The following ADAM12 variants were observed in gnomAD, a reference collection of about 807,000 sequenced individuals.
ADAM12 encodes the protein ADAM metallopeptidase domain 12.
Under a neutral mutation model 106.4 loss-of-function variants are expected in ADAM12, and 70 were observed. The observed-to-expected ratio is 0.66, with a 90% CI of 0.54 to 0.80. The LOEUF is 0.80. Ranked by LOEUF, ADAM12 falls within the 30% of genes least tolerant of loss-of-function variation. The pLI is 0.00. For missense variants in ADAM12, 1,010 were observed against 1,171.9 expected (o/e 0.86, Z 2.02); for synonymous variants, 420 against 433.5 (o/e 0.97, Z 0.39).
intron 4 of ADAM12, among the ~76,000 whole-genome samples, chr10:126,137,223 C>T (rs1361113807): frequency 2.0e-5 from 3 of 152,066 alleles, no homozygotes; most frequent in Admixed American, 6.5e-5. Context: ...ATATCAAAGG[C>T]CCACAGTATG....
At chr10:126,208,070 G>A (rs747516569) in intron 3 of ADAM12, among the ~76,000 whole-genome samples, 8 of 152,166 alleles carry the variant, frequency 5.3e-5, no homozygotes, top group Non-Finnish European at 1.0e-4. Flanking sequence ...TCTGTTTCTT[G>A]ATGTGGGATT....
intron 14 of ADAM12, among the ~76,000 whole-genome samples, chr10:126,051,588 T>TCCAG (rs199619555): frequency 0.017 from 2,074 of 124,230 alleles, 70 homozygotes; most frequent in South Asian, 0.029. Context: ...CATCCATCCA[T>TCCAG]CCAGCCAGCC....
chr10:126,301,440 T>C (rs1960619893), intron 2 of ADAM12, among the ~76,000 whole-genome samples: 1 of 152,164 alleles, frequency 6.6e-6, no homozygotes, highest in African/African-American at 2.4e-5. Context: ...AGTCCCCAAA[T>C]GAAGACACAC....
At chr10:126,130,545 G>T (rs951727562) in intron 5 of ADAM12, among the ~76,000 whole-genome samples, 5 of 152,124 alleles carry the variant, frequency 3.3e-5, no homozygotes, top group African/African-American at 1.2e-4. Flanking sequence ...ATTCTTTTCT[G>T]CCAAATTTAT....
intron 11 of ADAM12, among the ~76,000 whole-genome samples, chr10:126,093,182 C>T (rs562077336): frequency 3.3e-5 from 5 of 152,244 alleles, no homozygotes; most frequent in Admixed American, 6.5e-5. Context: ...TTGTATCCAG[C>T]GCATGCTTCC....
chr10:126,127,154 C>T (rs1453111000), intron 5 of ADAM12, among the ~76,000 whole-genome samples: 1 of 152,138 alleles, frequency 6.6e-6, no homozygotes, highest in Non-Finnish European at 1.5e-5. Flanking sequence ...GGAGTTTACC[C>T]GGATGTCCAA....
At chr10:126,318,914 T>C (rs1460373266) in intron 2 of ADAM12, among the ~76,000 whole-genome samples, 4 of 152,230 alleles carry the variant, frequency 2.6e-5, no homozygotes, top group South Asian at 2.1e-4. Flanking sequence ...CAAGAGAGCA[T>C]GTTCAGGGGA....
At chr10:126,199,532 C>A (rs1957658633) in intron 3 of ADAM12, among the ~76,000 whole-genome samples, 1 of 152,188 alleles carries the variant, frequency 6.6e-6, no homozygotes, top group Non-Finnish European at 1.5e-5. Context: ...AACCTCTGCT[C>A]ATCAAGTGTC....
rs768243079 is a variant in ADAM12, at chr10:126,187,331, A to AAAAAC, written c.261-32027_261-32026insGTTTT. ...CAACTGTGAAGGAAATGAAATAAAA[A>AAAAAC]AAAAACAAATTTAATGTTGCAAATA... On this transcript the variant is annotated intron_variant, in intron 3 of 22. Coordinates refer to ENST00000448723, the MANE Select transcript of ADAM12 (RefSeq NM_001288973.2). Among the ~76,000 whole-genome samples, 573 of 152,088 alleles carry AAAAAC rather than the reference A, an allele frequency of 3.8e-3. 6 individuals carry two copies. The highest frequency in any genetic ancestry group is 6.8e-3 in the Non-Finnish European group (464 of 68,026).
intron 4 of ADAM12, among the ~76,000 whole-genome samples, chr10:126,153,383 G>A (rs544634668): frequency 2.0e-5 from 3 of 152,302 alleles, no homozygotes; most frequent in Admixed American, 2.0e-4. Context: ...AGTATGTTTA[G>A]TTTAGTTATT....
intron 1 of ADAM12, among the ~76,000 whole-genome samples, chr10:126,369,074 A>G (rs916288390): frequency 4.6e-5 from 7 of 152,228 alleles, no homozygotes; most frequent in Admixed American, 2.6e-4. Flanking sequence ...CGTATCACTA[A>G]TATATACTAA....
rs57227903 is a variant in ADAM12, at chr10:126,243,489, A to ATGTGTGTGTGTGTGTG, written c.260+35410_260+35425dup. The stretch of plus-strand genomic sequence containing the variant: ...GGAGCAACTCTGTGTGTGTGAGTGT[A>ATGTGTGTGTGTGTGTG]TGTGTGTGTGTGTGTGTGTGTGTGT... On this transcript the variant is annotated intron_variant, in intron 3 of 22. Coordinates refer to ENST00000448723, the MANE Select transcript of ADAM12 (RefSeq NM_001288973.2). Among the ~76,000 whole-genome samples, 1,112 of 146,926 alleles carry ATGTGTGTGTGTGTGTG rather than the reference A, an allele frequency of 7.6e-3. 16 individuals carry two copies. The highest frequency in any genetic ancestry group is 0.02 in the East Asian group (101 of 4,928).
intron 1 of ADAM12, among the ~76,000 whole-genome samples, chr10:126,363,346 G>C (rs1855802578): frequency 6.6e-6 from 1 of 152,144 alleles, no homozygotes; most frequent in South Asian, 2.1e-4. Flanking sequence ...CAATGTGACA[G>C]ATTATTTTCA....
At chr10:126,369,758 T>C (rs1856045702) in intron 1 of ADAM12, among the ~76,000 whole-genome samples, 1 of 152,168 alleles carries the variant, frequency 6.6e-6, no homozygotes. Flanking sequence ...GATTATCTAA[T>C]TAACTCACTG....
At chr10:126,075,406 C>A (rs1013931964) in intron 11 of ADAM12, among the ~76,000 whole-genome samples, 5 of 152,132 alleles carry the variant, frequency 3.3e-5, no homozygotes, top group African/African-American at 1.2e-4. Flanking sequence ...CGACTAGGTG[C>A]CAGGCATTGT....
chr10:126,316,919 T>C lies in ADAM12; in HGVS notation c.186+13493A>G, dbSNP rs144133220. 6.9e-3 allele frequency among the ~76,000 whole-genome samples: 1,043 copies of C among 152,206 alleles called. 12 individuals are homozygous for C. Among genetic ancestry groups the C allele is most frequent in the African/African-American group, 0.023 (967 of 41,534 alleles). On this transcript the variant is annotated intron_variant, in intron 2 of 22. Coordinates refer to ENST00000448723, the MANE Select transcript of ADAM12 (RefSeq NM_001288973.2). Reference sequence around the variant, plus strand: ...AGGTATACAGCACACTTCATTTTAATCAGTTTTAGTGTTTGAGAAAAAAAA... The same window carrying C: ...AGGTATACAGCACACTTCATTTTAACCAGTTTTAGTGTTTGAGAAAAAAAA...
chr10:126,026,389 A>G (rs1327236822), intron 21 of ADAM12, among the ~76,000 whole-genome samples: 1 of 152,142 alleles, frequency 6.6e-6, no homozygotes, highest in African/African-American at 2.4e-5. Flanking sequence ...AAAATCAACA[A>G]AGACATTCAG....
intron 3 of ADAM12, among the ~76,000 whole-genome samples, chr10:126,174,424 G>A (rs1192360350): frequency 1.3e-5 from 2 of 152,280 alleles, no homozygotes; most frequent in African/African-American, 2.4e-5. Context: ...TGACCCAGCT[G>A]TGAGCTTTGC....
chr10:126,036,347 C>T, intron 20 of ADAM12, 22 bp from the exon 21 acceptor site: 1 of 1,563,068 alleles, frequency 6.4e-7, no homozygotes, highest in Non-Finnish European at 8.6e-7. Flanking sequence ...AAGTAAAAAG[C>T]CATGCTATAG....
Sources: allele counts gnomAD v4.1 joint callset (sites outside exome capture counted in the v4.1 genomes callset), GRCh38; gene constraint gnomAD v4.1.1; transcripts MANE v1.5; gene names NCBI Gene and HGNC (gene_info 2026-07-23, HGNC 2026-07-21).